ABCC2: variants seen among roughly 807,000 people sequenced by gnomAD.
ABCC2 encodes the protein ATP binding cassette subfamily C member 2, also known as ATP-binding cassette sub-family C member 2.
Under a neutral mutation model 173.4 loss-of-function variants are expected in ABCC2, and 157 were observed. The ratio of observed to expected loss-of-function variants is 0.91; its 90% CI spans 0.80 to 1.03. The LOEUF (loss-of-function observed/expected upper bound fraction) is 1.03. Among genes scored for constraint, ABCC2 ranks in the 50% least tolerant of loss-of-function variants. The pLI, the probability that ABCC2 is intolerant of heterozygous loss-of-function variation, is 0.00. For synonymous variants in ABCC2, 657 were observed against 693.5 expected (o/e 0.95, Z 0.83); for missense variants, 1,822 against 1,852.3 (o/e 0.98, Z 0.30).
At chr10:99,784,885 AGGT>A (rs2037679456) in intron 2 of ABCC2, 104 bp downstream of exon 2, 21 of 1,431,314 alleles carry the variant, frequency 1.5e-5, no homozygotes, top group Middle Eastern at 3.5e-4. Context: ...CAGCTGTCCC[AGGT>A]GCCATTGTCT....
rs1284651748 is a variant in ABCC2, at chr10:99,834,394, G to A, written c.3273G>A (p.Val1091=). 1 of 1,614,122 alleles carries A rather than the reference G, an allele frequency of 6.2e-7. No individual in the cohort carries two copies. The change falls in exon 24 of 32, where the codon GTG becomes GTA. Residue 1091 remains valine, a synonymous_variant. Transcript: ENST00000647814. The part of the protein sequence containing the change: ...VNRFAGDIST[V]DDTLPQSLRS... ...CGTTTTCCTAGGATATTTCCACAGT[G>A]GATGACACCCTGCCTCAGTCCTTGC...
At chr10:99,819,772 G>T (rs2038499924) in intron 19 of ABCC2, among the ~76,000 whole-genome samples, 1 of 152,174 alleles carries the variant, frequency 6.6e-6, no homozygotes, top group Non-Finnish European at 1.5e-5. Flanking sequence ...GTTTGAACCA[G>T]AAAAAAATTA....
At chr10:99,848,827 A>G (rs1431397341) in intron 30 of ABCC2, among the ~76,000 whole-genome samples, 1 of 152,194 alleles carries the variant, frequency 6.6e-6, no homozygotes, top group Non-Finnish European at 1.5e-5. Flanking sequence ...GGTAGAGAAC[A>G]TCGTCAGTTT....
intron 30 of ABCC2, among the ~76,000 whole-genome samples, chr10:99,849,636 CCAAAGTCTACGTTA>C (rs1298654902): frequency 6.6e-6 from 1 of 152,166 alleles, no homozygotes; most frequent in Non-Finnish European, 1.5e-5. Context: ...ACTCTAAAGT[CCAAAGTCTACGTTA>C]CACTTTGGGC....
intron 2 of ABCC2, among the ~76,000 whole-genome samples, chr10:99,787,285 C>T (rs2756105): frequency 0.38 from 57,062 of 152,080 alleles, 11,190 homozygotes; most frequent in Middle Eastern, 0.5. Context: ...CCTTAGCAAC[C>T]GCTAAATCTC....
intron 19 of ABCC2, among the ~76,000 whole-genome samples, chr10:99,825,684 C>A (rs370392143): frequency 0.025 from 3,783 of 152,344 alleles, 80 homozygotes; most frequent in Middle Eastern, 0.15. Flanking sequence ...ATTTGAACTC[C>A]TTTTAGATTT....
intron 25 of ABCC2, among the ~76,000 whole-genome samples, chr10:99,840,420 C>G (rs1590189502): frequency 1.4e-5 from 2 of 147,208 alleles, no homozygotes; most frequent in Admixed American, 1.3e-4. Context: ...CCTAAGCCAC[C>G]GACCCCAGCC....
At chr10:99,817,278 T>G in intron 16 of ABCC2, 30 bp from the exon 17 acceptor site, 1 of 1,613,258 alleles carries the variant, frequency 6.2e-7, no homozygotes, top group Non-Finnish European at 8.5e-7. Flanking sequence ...GAGGTGCAGC[T>G]GTAACATGAT....
chr10:99,799,258 A>G lies in ABCC2; in HGVS notation c.919A>G (p.Lys307Glu). ...GTCTGGGACCAAAAAAGATGTTCCA[A>G]AATCCTGGTTGATGAAGGCTCTGTT... Reference protein sequence around the residue: ...KKSGTKKDVPKSWLMKALFKT... With the variant: ...KKSGTKKDVPESWLMKALFKT... The change falls in exon 8 of 32, where the codon AAA (lysine) becomes GAA (glutamate). Residue 307 changes from lysine to glutamate, a missense_variant. By Grantham distance (56) the Lys-to-Glu change is moderately conservative. Coordinates refer to ENST00000647814, the MANE Select transcript of ABCC2 (RefSeq NM_000392.5). 6.2e-7 allele frequency: 1 copy of G among 1,614,144 alleles called. No individual in the cohort carries two copies. The highest frequency in any genetic ancestry group is 1.7e-5 in the Admixed American group (1 of 60,012).
At chr10:99,828,355 G>A (rs1205329771) in intron 19 of ABCC2, among the ~76,000 whole-genome samples, 1 of 152,116 alleles carries the variant, frequency 6.6e-6, no homozygotes, top group Non-Finnish European at 1.5e-5. Flanking sequence ...AGAAGGGCAG[G>A]AGGGCAAGGT....
At chr10:99,789,054 G>A (rs1208485669) in intron 2 of ABCC2, 3 of 154,366 alleles carry the variant, frequency 1.9e-5, no homozygotes, top group Admixed American at 6.6e-5. Flanking sequence ...TGGAGGCTGC[G>A]GTGTTTCTGT....
chr10:99,783,999 C>G (rs1419814037), intron 1 of ABCC2, among the ~76,000 whole-genome samples: 2 of 104,238 alleles, frequency 1.9e-5, no homozygotes, highest in East Asian at 7.1e-4. Flanking sequence ...CCCCCCACCC[C>G]CCAACTTCCA....
rs1248782494 is a variant in ABCC2, at chr10:99,814,242, CACACACGTATGTATACACACGTATGTAT to C, written c.2094+1119_2094+1146del. On this transcript the variant is annotated intron_variant, in intron 16 of 31. Transcript: ENST00000647814. Reference sequence around the variant, plus strand: ...ATATATACACACATGTGTATATATGCACACACGTATGTATACACACGTATGTATACACACGTATGTATACACACACGTA... The same window carrying C: ...ATATATACACACATGTGTATATATGCACACACGTATGTATACACACACGTA... Among the ~76,000 whole-genome samples, 8 of 60,456 alleles carry C rather than the reference CACACACGTATGTATACACACGTATGTAT, an allele frequency of 1.3e-4. 1 individual carries two copies. Among genetic ancestry groups the C allele is most frequent in the South Asian group, 9.5e-4 (2 of 2,112 alleles). The allele number at this position is 60,456 out of a possible 152,430, so 39.7% of individuals were successfully genotyped here. A position where few individuals can be genotyped will look rare whatever the true frequency, so the allele number is the denominator to read the frequency against.
At chr10:99,851,099 T>C (rs1045905347) in intron 31 of ABCC2, among the ~76,000 whole-genome samples, 2 of 152,212 alleles carry the variant, frequency 1.3e-5, no homozygotes, top group African/African-American at 4.8e-5. Context: ...ACCATAGACC[T>C]TCCTAACTGT....
intron 19 of ABCC2, among the ~76,000 whole-genome samples, chr10:99,820,116 G>T (rs758207441): frequency 6.6e-6 from 1 of 152,220 alleles, no homozygotes; most frequent in Non-Finnish European, 1.5e-5. Flanking sequence ...GGAGGGCCAG[G>T]CACGATGGCT....
rs529588584 is a variant in ABCC2, at chr10:99,792,324, C to A, written c.298C>A (p.Arg100=). The A allele has an allele frequency of 2.5e-6, 4 of 1,613,952 alleles. No homozygotes were observed. ...DSGQATVPAV[R]YTNPSLYLGT... is the part of the protein sequence containing the mutation. ...TGGACAAGCCACAGTCCCTGCTGTTCGATATACCAATCCAAGCCTCTACCT... is the reference window on the plus strand; with the variant it reads ...TGGACAAGCCACAGTCCCTGCTGTTAGATATACCAATCCAAGCCTCTACCT... The change falls in exon 3 of 32, where the codon CGA becomes AGA. Residue 100 remains arginine (R), a synonymous_variant. Transcript: ENST00000647814.
intron 19 of ABCC2, among the ~76,000 whole-genome samples, chr10:99,826,527 A>G (rs2133100655): frequency 6.7e-6 from 1 of 149,502 alleles, no homozygotes; most frequent in African/African-American, 2.5e-5. Context: ...TGGGTCTTGG[A>G]TTTTTTCCCA....
In ABCC2 at chr10:99,797,146, G is replaced by T; in HGVS notation, c.682G>T (p.Glu228Ter). 2 of 1,614,150 alleles carry T rather than the reference G, an allele frequency of 1.2e-6. No individual in the cohort carries two copies. Among genetic ancestry groups the T allele is most frequent in the Non-Finnish European group, 1.7e-6 (2 of 1,180,008 alleles). The change falls in exon 7 of 32, where the codon GAA (glutamate) becomes TAA (stop). Residue 228 changes from glutamate to a stop codon, truncating the protein, a stop_gained. Transcript: ENST00000647814. LOFTEE classifies it high-confidence loss of function. Reference sequence around the variant, plus strand: ...TCCTCTGACACTCGAGGATGTCTGGGAAGTTGATGAAGAGATGAAAACCAA... The same window carrying T: ...TCCTCTGACACTCGAGGATGTCTGGTAAGTTGATGAAGAGATGAAAACCAA... ...KRPLTLEDVW[E>*]VDEEMKTKTL...
At chr10:99,795,204 T>A (rs1235248839) in intron 6 of ABCC2, among the ~76,000 whole-genome samples, 1 of 152,060 alleles carries the variant, frequency 6.6e-6, no homozygotes, top group Non-Finnish European at 1.5e-5. Flanking sequence ...TTTAAATGCA[T>A]GAAATAAAAT....
Sources: gnomAD v4.1 joint callset for allele counts (sites outside exome capture counted in the v4.1 genomes callset) on GRCh38, gnomAD v4.1.1 for gene constraint, MANE v1.5 for transcripts, NCBI Gene and HGNC (gene_info 2026-07-23, HGNC 2026-07-21) for gene names.